MYO1E: variants seen among roughly 807,000 people sequenced by gnomAD.
MYO1E encodes myosin IE.
In MYO1E, 68 loss-of-function variants were observed where a neutral mutation model predicts 151.1. The ratio of observed to expected loss-of-function variants is 0.45; its 90% CI spans 0.37 to 0.55. The LOEUF (loss-of-function observed/expected upper bound fraction) is 0.55. Ranked by LOEUF, MYO1E falls within the 20% of genes least tolerant of loss-of-function variation. The pLI is 0.00. For missense variants in MYO1E, 1,363 were observed against 1,389.3 expected (o/e 0.98, Z 0.30); for synonymous variants, 601 against 501.7 (o/e 1.20, Z -2.64).
chr15:59,207,325 A>G (rs1403445955), intron 14 of MYO1E: 1 of 1,614,024 alleles, frequency 6.2e-7, no homozygotes, highest in Non-Finnish European at 8.5e-7. Flanking sequence ...TATTGTTTGT[A>G]GCAAAGATTA....
intron 18 of MYO1E, among the ~76,000 whole-genome samples, chr15:59,180,780 T>A (rs532775557): frequency 2.0e-5 from 3 of 152,222 alleles, no homozygotes; most frequent in African/African-American, 7.2e-5. Context: ...TTCTCTAGGA[T>A]ATACTCATGG....
intron 16 of MYO1E, among the ~76,000 whole-genome samples, chr15:59,200,473 GC>G (rs1566976897): frequency 2.6e-5 from 4 of 151,732 alleles, no homozygotes; most frequent in Non-Finnish European, 5.9e-5. Flanking sequence ...TGTTCTTGAC[GC>G]TCAGAGGGCT....
At chr15:59,300,999 C>T (rs541598345) in intron 1 of MYO1E, among the ~76,000 whole-genome samples, 1 of 151,642 alleles carries the variant, frequency 6.6e-6, no homozygotes, top group East Asian at 1.9e-4. Flanking sequence ...TCTGGAGTAG[C>T]TGGGATTACA....
intron 17 of MYO1E, among the ~76,000 whole-genome samples, chr15:59,193,447 C>G (rs2140328941): frequency 6.6e-6 from 1 of 152,266 alleles, no homozygotes; most frequent in Middle Eastern, 3.4e-3. Flanking sequence ...TGCTGCTACC[C>G]TCTTAGTCTG....
chr15:59,369,220 G>A (rs556486902), intron 1 of MYO1E, among the ~76,000 whole-genome samples: 1 of 152,314 alleles, frequency 6.6e-6, no homozygotes, highest in Admixed American at 6.5e-5. Flanking sequence ...AGATTTCTAG[G>A]TTGTAAATCT....
intron 1 of MYO1E, among the ~76,000 whole-genome samples, chr15:59,337,448 TTC>T (rs1287145439): frequency 6.6e-6 from 1 of 152,216 alleles, no homozygotes; most frequent in African/African-American, 2.4e-5. Flanking sequence ...CATGGTTTTA[TTC>T]TGTTCTACAA....
At position 59,208,737 on chromosome 15, in the gene MYO1E, GACTCCC is replaced by G. The variant is rs1397522673; in HGVS notation, c.1468_1473del (p.Gly490_Ser491del). 6 of 1,614,192 alleles carry G rather than the reference GACTCCC, an allele frequency of 3.7e-6. No homozygotes were observed. The highest frequency in any genetic ancestry group is 5.1e-6 in the Non-Finnish European group (6 of 1,180,030). Reference sequence around the variant, plus strand: ...TGGTTCCAACTGTTGAAGTGCTCATGACTCCCAATCTGCATCTGAAGTTTCTGGAGC... The same window carrying G: ...TGGTTCCAACTGTTGAAGTGCTCATGAATCTGCATCTGAAGTTTCTGGAGC... On this transcript the variant is annotated inframe_deletion, in exon 14 of 28. Transcript: ENST00000288235.
At chr15:59,334,311 A>G (rs1244901025) in intron 1 of MYO1E, among the ~76,000 whole-genome samples, 1 of 152,182 alleles carries the variant, frequency 6.6e-6, no homozygotes, top group Admixed American at 6.5e-5. Flanking sequence ...AAAAATAACT[A>G]AAAGTATAAT....
At chr15:59,210,066 C>A (rs1458018308) in intron 13 of MYO1E, among the ~76,000 whole-genome samples, 2 of 151,796 alleles carry the variant, frequency 1.3e-5, no homozygotes, top group Non-Finnish European at 1.5e-5. Flanking sequence ...TAGGGTTTCA[C>A]CATGTTGCTG....
intron 1 of MYO1E, among the ~76,000 whole-genome samples, chr15:59,280,601 A>AAC (rs1451695577): frequency 6.6e-6 from 1 of 151,178 alleles, no homozygotes; most frequent in African/African-American, 2.4e-5. Flanking sequence ...CAGCCTGGGC[A>AAC]ACAAGAGCGA....
chr15:59,372,620 C>A lies in MYO1E; in HGVS notation c.-120G>T. ...CCCCTCGCCAAAAACAGGCTCCCGA[C>A]ACCCAAGCACTCACAGGAGCCAATG... On this transcript the variant is annotated 5_prime_UTR_variant, in exon 1 of 28. Coordinates refer to ENST00000288235, the MANE Select transcript of MYO1E (RefSeq NM_004998.4). The A allele has an allele frequency of 7.7e-7, 1 of 1,302,460 alleles. No individual in the cohort carries two copies. Among genetic ancestry groups the A allele is most frequent in the South Asian group, 1.4e-5 (1 of 73,170 alleles). The allele number at this position is 1,302,460 out of a possible 1,614,324, so 80.7% of individuals were successfully genotyped here.
At chr15:59,262,929 A>C (rs1452382864) in intron 2 of MYO1E, among the ~76,000 whole-genome samples, 1 of 152,180 alleles carries the variant, frequency 6.6e-6, no homozygotes, top group East Asian at 1.9e-4. Context: ...GCACTGTTTT[A>C]GATGCTCGGG....
intron 4 of MYO1E, among the ~76,000 whole-genome samples, chr15:59,254,906 G>C (rs1365208045): frequency 6.6e-6 from 1 of 151,778 alleles, no homozygotes; most frequent in Admixed American, 6.6e-5. Flanking sequence ...GCTCACTGCA[G>C]CTTCCGCCTC....
chr15:59,341,940 G>A lies in MYO1E; in HGVS notation c.3+30558C>T, dbSNP rs150409079. Among the ~76,000 whole-genome samples the A allele has an allele frequency of 1.1e-3, 160 of 152,270 alleles. 1 individual carries two copies. Among genetic ancestry groups the A allele is most frequent in the African/African-American group, 3.3e-3 (138 of 41,548 alleles). ...CTCTGTTTTTAGTTTTTAAGGAACC[G>A]CCCTTCTGTTCTCCACAGTGGCTAT... On this transcript the variant is annotated intron_variant, in intron 1 of 27. Coordinates refer to ENST00000288235, the MANE Select transcript of MYO1E (RefSeq NM_004998.4).
chr15:59,289,236 T>C (rs1361299966), intron 1 of MYO1E, among the ~76,000 whole-genome samples: 1 of 152,214 alleles, frequency 6.6e-6, no homozygotes, highest in Non-Finnish European at 1.5e-5. Flanking sequence ...AAGTTTTTTG[T>C]TTCTGGGAAG....
chr15:59,212,821 T>C (rs769890678), intron 12 of MYO1E: 1 of 152,172 alleles, frequency 6.6e-6, no homozygotes, highest in Non-Finnish European at 1.5e-5. Flanking sequence ...GACGGAGATT[T>C]GGATATAGAC....
chr15:59,363,207 G>A (rs879672060), intron 1 of MYO1E, among the ~76,000 whole-genome samples: 9 of 152,098 alleles, frequency 5.9e-5, no homozygotes, highest in Non-Finnish European at 8.8e-5. Context: ...TCGATCTCCT[G>A]ACCTCGTGAT....
chr15:59,174,467 G>C (rs554209042), intron 19 of MYO1E, among the ~76,000 whole-genome samples: 2 of 152,238 alleles, frequency 1.3e-5, no homozygotes, highest in Non-Finnish European at 2.9e-5. Flanking sequence ...ATGGGAAATA[G>C]GAGAATCTGA....
At chr15:59,181,110 C>T (rs1019049869) in intron 18 of MYO1E, among the ~76,000 whole-genome samples, 6 of 152,100 alleles carry the variant, frequency 3.9e-5, no homozygotes, top group African/African-American at 1.4e-4. Context: ...ATCCTGGCAG[C>T]CAGGAGAACG....
Sources: allele counts gnomAD v4.1 joint callset (sites outside exome capture counted in the v4.1 genomes callset), GRCh38; gene constraint gnomAD v4.1.1; transcripts MANE v1.5; gene names NCBI Gene and HGNC (gene_info 2026-07-23, HGNC 2026-07-21).